The following SGK1 variants were observed in gnomAD, a reference collection of about 807,000 sequenced individuals.
The protein encoded by SGK1 is serine/threonine-protein kinase Sgk1.
In SGK1, 26 loss-of-function variants were observed where a neutral mutation model predicts 64.2. The ratio of observed to expected loss-of-function variants is 0.40; its 90% confidence interval spans 0.30 to 0.56. The LOEUF (loss-of-function observed/expected upper bound fraction) is 0.56, where lower values mean the gene tolerates loss of function less well. Ranked by LOEUF, SGK1 falls within the 20% of genes least tolerant of loss-of-function variation. SGK1 has a pLI of 0.38. For synonymous variants in SGK1, 265 were observed against 239.7 expected, an observed-to-expected ratio of 1.11 and a Z score of -0.98; for missense variants, 519 against 645.6, an observed-to-expected ratio of 0.80 and a Z score of 2.12.
Position 134,172,894 on chromosome 6 carries a change from C to G in SGK1, c.835-120G>C, listed in dbSNP as rs990686283. 3 of 1,262,844 alleles carry G rather than the reference C, an allele frequency of 2.4e-6. No homozygotes were observed. The African/African-American group carries it at 4.5e-5, about 19-fold the overall frequency. The allele number at this position is 1,262,844 out of a possible 1,614,324, so 78.2% of individuals were successfully genotyped here. A position where few individuals can be genotyped will look rare whatever the true frequency, so the allele number is the denominator to read the frequency against. ...AGTAATCTATTAACTATAAACCTGA[C>G]AGGTTGAAGGAAATGCTAATTCTGG... On this transcript the variant is annotated intron_variant, in intron 8 of 13. Coordinates refer to ENST00000367858, the MANE Select transcript of SGK1 (RefSeq NM_001143676.3).
chr6:134,299,896 A>G (rs1204994768), intron 1 of SGK1, among the ~76,000 whole-genome samples: 1 of 151,906 alleles, frequency 6.6e-6, no homozygotes, highest in Admixed American at 6.6e-5. Context: ...GAAGGTCCAA[A>G]TACCTCAATT....
chr6:134,241,358 G>GT (rs1466328119), intron 2 of SGK1, among the ~76,000 whole-genome samples: 2 of 151,784 alleles, frequency 1.3e-5, no homozygotes, highest in African/African-American at 2.4e-5. Flanking sequence ...CTCTGAAGAT[G>GT]TTTTTTTCTT....
At chr6:134,181,148 C>T (rs1208611903) in intron 3 of SGK1, among the ~76,000 whole-genome samples, 1 of 152,140 alleles carries the variant, frequency 6.6e-6, no homozygotes, top group Non-Finnish European at 1.5e-5. Flanking sequence ...CTAAGACACA[C>T]ATATTAAAGG....
chr6:134,173,084 T>G lies in SGK1; in HGVS notation c.773A>C (p.His258Pro), dbSNP rs1442590498. The change falls in exon 8 of 14, where the codon CAC becomes CCC. Residue 258 changes from histidine to proline, a missense_variant. This residue lies in a region of SGK1 where 278 missense variants were observed against 408.7 expected (regional missense o/e 0.68). Transcript: ENST00000367858. ...TTTGTCAGCAGTCTGGAAAGAGAAG[T>G]GAAGGCCCACCAGGAAAGGGTGCTT... ...NVKHPFLVGL[H>P]FSFQTADKLY... 1 of 1,613,982 alleles carries G rather than the reference T, an allele frequency of 6.2e-7. No individual in the cohort carries two copies. Among genetic ancestry groups the G allele is most frequent in the Non-Finnish European group, 8.5e-7 (1 of 1,179,964 alleles).
chr6:134,284,507 A>G (rs1459988304), intron 1 of SGK1, among the ~76,000 whole-genome samples: 1 of 136,974 alleles, frequency 7.3e-6, no homozygotes, highest in Non-Finnish European at 1.6e-5. Context: ...TTTTTTTGAG[A>G]TAGAGTCTCA....
Position 134,202,507 on chromosome 6 carries a change from G to A in SGK1, c.361+4849C>T, listed in dbSNP as rs1416546900. 5.9e-5 allele frequency among the ~76,000 whole-genome samples: 9 copies of A among 152,168 alleles called. No homozygotes were observed. In the East Asian group the frequency reaches 1.7e-3, roughly 29 times the overall value. ...AAAAATACAATTAGCCAGGCATGGT[G>A]GCATGCACCTGTAATCCCAGCTACT... On this transcript the variant is annotated intron_variant, in intron 3 of 13. Transcript: ENST00000367858.
intron 1 of SGK1, among the ~76,000 whole-genome samples, chr6:134,301,737 T>C (rs1777461464): frequency 6.6e-6 from 1 of 152,050 alleles, no homozygotes; most frequent in Non-Finnish European, 1.5e-5. Context: ...AATACAGGCA[T>C]GTGCCACCAG....
At chr6:134,294,893 C>T (rs1464523224) in intron 1 of SGK1, among the ~76,000 whole-genome samples, 2 of 152,132 alleles carry the variant, frequency 1.3e-5, no homozygotes, top group African/African-American at 4.8e-5. Flanking sequence ...CTGTAAATTT[C>T]TCAGTAATGA....
intron 3 of SGK1, among the ~76,000 whole-genome samples, chr6:134,197,235 A>C (rs2114672259): frequency 6.6e-6 from 1 of 152,260 alleles, no homozygotes; most frequent in South Asian, 2.1e-4. Flanking sequence ...CCTGTCTCAA[A>C]CAACCAACAA....
intron 3 of SGK1, among the ~76,000 whole-genome samples, chr6:134,191,834 G>GGTTTTTTTTTT (rs1491153978): frequency 1.2e-4 from 2 of 17,300 alleles, no homozygotes; most frequent in Non-Finnish European, 3.2e-4. Context: ...ACGCCCGGCT[G>GGTTTTTTTTTT]ATTTTTTTTT....
At chr6:134,302,511 G>A (rs763858879) in intron 1 of SGK1, among the ~76,000 whole-genome samples, 1 of 152,100 alleles carries the variant, frequency 6.6e-6, no homozygotes, top group Non-Finnish European at 1.5e-5. Flanking sequence ...TAAAATCCCA[G>A]AGCACAGAGG....
chr6:134,203,121 G>C (rs1416564341), intron 3 of SGK1, among the ~76,000 whole-genome samples: 1 of 152,130 alleles, frequency 6.6e-6, no homozygotes, highest in Non-Finnish European at 1.5e-5. Flanking sequence ...GCACGTGCCT[G>C]TAATCCCACT....
rs546834582 is a variant in SGK1, at chr6:134,175,435, C to T, written c.362-849G>A. 1.6e-5 allele frequency: 21 copies of T among 1,309,500 alleles called. No individual in the cohort carries two copies. The South Asian group carries it at 3.7e-4, about 23-fold the overall frequency. The allele number at this position is 1,309,500 out of a possible 1,614,324, so 81.1% of individuals were successfully genotyped here. ...CCTCGCCCGCCAGGTCCTCCCGTTC[C>T]CGCCGCCGGGACCCCGGCCCCGAGA... On this transcript the variant is annotated intron_variant, in intron 3 of 13. Transcript: ENST00000367858.
intron 2 of SGK1, among the ~76,000 whole-genome samples, chr6:134,233,553 C>T (rs1458649704): frequency 3.3e-5 from 5 of 152,170 alleles, no homozygotes; most frequent in Admixed American, 6.6e-5. Context: ...ATGCCAGACA[C>T]GGTTATCTTC....
chr6:134,174,727 C>G (rs1252836596), intron 3 of SGK1, 141 bp from the exon 4 acceptor site: 2 of 1,614,218 alleles, frequency 1.2e-6, no homozygotes, highest in Admixed American at 1.7e-5. Flanking sequence ...GATTCCTGCA[C>G]TCACCGATGA....
intron 2 of SGK1, among the ~76,000 whole-genome samples, chr6:134,227,437 G>A (rs1776202403): frequency 6.6e-6 from 1 of 152,020 alleles, no homozygotes; most frequent in Admixed American, 6.6e-5. Flanking sequence ...CCTGGCTGTG[G>A]CATGTATGTC....
chr6:134,314,420 CA>C (rs1334283374), intron 1 of SGK1, among the ~76,000 whole-genome samples: 1 of 152,126 alleles, frequency 6.6e-6, no homozygotes, highest in Non-Finnish European at 1.5e-5. Flanking sequence ...GGTCTGAAAT[CA>C]AAAAGTCTGG....
chr6:134,314,362 G>T (rs1777647624), intron 1 of SGK1, among the ~76,000 whole-genome samples: 1 of 152,024 alleles, frequency 6.6e-6, no homozygotes, highest in African/African-American at 2.4e-5. Flanking sequence ...GGGGGGTAGG[G>T]GGACAGAAGA....
At chr6:134,274,948 G>A (rs1776998530) in intron 1 of SGK1, among the ~76,000 whole-genome samples, 1 of 151,982 alleles carries the variant, frequency 6.6e-6, no homozygotes, top group Non-Finnish European at 1.5e-5. Context: ...GGGATTACAG[G>A]CCTGCACCAC....
Sources: allele counts gnomAD v4.1 joint callset (sites outside exome capture counted in the v4.1 genomes callset), GRCh38; gene constraint gnomAD v4.1.1; regional missense constraint gnomAD v4.1.1; transcripts MANE v1.5; gene names NCBI Gene and HGNC (gene_info 2026-07-23, HGNC 2026-07-21).